PKLR: variants seen among roughly 807,000 people sequenced by gnomAD.
PKLR encodes the protein pyruvate kinase PKLR.
Under a neutral mutation model 53.6 loss-of-function variants are expected in PKLR, and 38 were observed. The ratio of observed to expected loss-of-function variants is 0.71; its 90% CI spans 0.55 to 0.93. The LOEUF (loss-of-function observed/expected upper bound fraction) is 0.93, where lower values mean the gene tolerates loss of function less well. Among genes scored for constraint, PKLR ranks in the 40% least tolerant of loss-of-function variants. PKLR has a pLI of 0.00. For synonymous variants in PKLR, 328 were observed against 316.2 expected, an observed-to-expected ratio of 1.04 and a Z score of -0.39; for missense variants, 702 against 787.3, an observed-to-expected ratio of 0.89 and a Z score of 1.30.
upstream of PKLR, among the ~76,000 whole-genome samples, chr1:155,303,986 C>A (rs1019000035): frequency 7.9e-5 from 12 of 152,040 alleles, no homozygotes; most frequent in African/African-American, 1.9e-4. Context: ...GCCAAGGAGA[C>A]AAAGAGCTGC....
Position 155,300,084 on chromosome 1 carries a change from A to C in PKLR, c.283+14T>G. On this transcript the variant is annotated intron_variant, in intron 2 of 10. Transcript: ENST00000342741. ...ATAGGCCCTGTGTGGCTGCAGGGGG[A>C]TGGGAGTGCTTACCGATGGTGGCAA... is the stretch of plus-strand genomic sequence containing the variant. 6.2e-7 allele frequency: 1 copy of C among 1,611,850 alleles called. No homozygotes were observed.
the PKLR span, among the ~76,000 whole-genome samples, chr1:155,306,972 C>T: frequency 1.3e-5 from 2 of 152,120 alleles, no homozygotes; most frequent in Non-Finnish European, 2.9e-5. This position sits in a 1 kb window ranked among gnomAD's most constrained non-coding sequence, Gnocchi z 4.2. Flanking sequence ...TCATTCCTCC[C>T]GGAGCGATCT....
rs772703658 is a variant in PKLR, at chr1:155,293,171, C to T, written c.1436+6G>A. ...TCCATCTGGACATTCCCAATATCCCCCTCACCGGCCAGTTGTGGTCAGCAC... is the reference window on the plus strand; with the variant it reads ...TCCATCTGGACATTCCCAATATCCCTCTCACCGGCCAGTTGTGGTCAGCAC... On this transcript the variant is annotated splice_donor_region_variant and intron_variant, in intron 9 of 10. Transcript: ENST00000342741. The surrounding 1 kb of genome is among the most constrained non-coding windows in gnomAD (Gnocchi z 4.2). 4 of 1,614,134 alleles carry T rather than the reference C, an allele frequency of 2.5e-6. No homozygotes were observed. In the East Asian group the frequency reaches 6.7e-5, roughly 27 times the overall value.
chr1:155,303,155 C>G (rs922210613), upstream of PKLR, among the ~76,000 whole-genome samples: 1 of 152,260 alleles, frequency 6.6e-6, no homozygotes, highest in East Asian at 1.9e-4. Flanking sequence ...GTAAGTTCCC[C>G]TAATGTATGC....
At position 155,295,485 on chromosome 1, in the gene PKLR, G is replaced by T; in HGVS notation, c.459C>A (p.Ile153=). 6.2e-7 allele frequency: 1 copy of T among 1,609,658 alleles called. No individual in the cohort carries two copies. The highest frequency in any genetic ancestry group is 8.5e-7 in the Non-Finnish European group (1 of 1,178,160). Residue 153 remains isoleucine (I), a synonymous_variant, in exon 4 of 11, where the codon ATC becomes ATA. Coordinates refer to ENST00000342741, the MANE Select transcript of PKLR (RefSeq NM_000298.6). The surrounding 1 kb of genome is among the most constrained non-coding windows in gnomAD (Gnocchi z 4.3). The stretch of plus-strand genomic sequence containing the variant: ...TCTCCGGTCCCTTGGTGTCCAGGGC[G>T]ATGGCCACGGGCCGGTAGCTGAGTG... ...GSPLSYRPVA[I]ALDTKGPEIR...
chr1:155,299,960 A>G (rs1444538031), intron 2 of PKLR, 138 bp downstream of exon 2: 6 of 863,626 alleles, frequency 6.9e-6, no homozygotes, highest in Non-Finnish European at 5.6e-6. Context: ...AATCTTGTCT[A>G]CTATATGCTC....
intron 2 of PKLR, among the ~76,000 whole-genome samples, chr1:155,296,169 C>A (rs1299525693): frequency 6.6e-6 from 1 of 152,106 alleles, no homozygotes; most frequent in African/African-American, 2.4e-5. Flanking sequence ...TGAGTTCTAT[C>A]CCATGCCTGC....
At chr1:155,306,973 G>A in the PKLR span, among the ~76,000 whole-genome samples, 84 of 152,234 alleles carry the variant, frequency 5.5e-4, no homozygotes, top group African/African-American at 1.8e-3. The surrounding 1 kb of genome is among the most constrained non-coding windows in gnomAD (Gnocchi z 4.2). Flanking sequence ...CATTCCTCCC[G>A]GAGCGATCTC....
Position 155,293,672 on chromosome 1 carries a change from C to T in PKLR, c.1117-82G>A, listed in dbSNP as rs1647365022. 2.1e-6 allele frequency: 3 copies of T among 1,423,974 alleles called. No individual in the cohort carries two copies. In the Admixed American group the frequency reaches 5.2e-5, roughly 25 times the overall value. The allele number at this position is 1,423,974 out of a possible 1,614,324, so 88.2% of individuals were successfully genotyped here. A position where few individuals can be genotyped will look rare whatever the true frequency, so the allele number is the denominator to read the frequency against. On this transcript the variant is annotated intron_variant, in intron 7 of 10. Transcript: ENST00000342741. This position sits in a 1 kb window ranked among gnomAD's most constrained non-coding sequence, Gnocchi z 4.2. The stretch of plus-strand genomic sequence containing the variant: ...GCCCAAGCTACTTCTCTGACACCCA[C>T]ACTCTCAGAGTGTCCCAAAATCCAG...
Position 155,290,509 on chromosome 1 carries a change from C to T in PKLR, c.*63G>A, listed in dbSNP as rs1010365755. 33 of 989,772 alleles carry T rather than the reference C, an allele frequency of 3.3e-5. 1 individual carries two copies. The highest frequency in any genetic ancestry group is 1.8e-4 in the Admixed American group (10 of 55,486). The allele number at this position is 989,772 out of a possible 1,614,324, so 61.3% of individuals were successfully genotyped here. On this transcript the variant is annotated 3_prime_UTR_variant, in exon 11 of 11. Coordinates refer to ENST00000342741, the MANE Select transcript of PKLR (RefSeq NM_000298.6). Reference sequence around the variant, plus strand: ...CTTTGGAGGGGTGTGGGCTGGAGAACGTAGACTGGGGAGGAAGGGATGGGG... The same window carrying T: ...CTTTGGAGGGGTGTGGGCTGGAGAATGTAGACTGGGGAGGAAGGGATGGGG...
the PKLR span, among the ~76,000 whole-genome samples, chr1:155,308,272 T>C: frequency 6.6e-6 from 1 of 151,632 alleles, no homozygotes; most frequent in African/African-American, 2.4e-5. Context: ...TTTCACCACA[T>C]TGGTCAGGCT....
chr1:155,303,240 G>A (rs145293396), upstream of PKLR, among the ~76,000 whole-genome samples: 39 of 152,338 alleles, frequency 2.6e-4, no homozygotes, highest in East Asian at 6.6e-3. Context: ...GATGGTTTGG[G>A]GCATCCTTTG....
rs200840994 is a variant in PKLR at position 155,294,538 on chromosome 1, C to G, written c.909G>C (p.Pro303=). The change falls in exon 6 of 11, where the codon CCG becomes CCC. Residue 303 remains proline, a synonymous_variant. Coordinates refer to ENST00000342741, the MANE Select transcript of PKLR (RefSeq NM_000298.6). ...DVAAVRAALG[P]EGHGIKIISK... ...TGATGATCTTGATGCCGTGTCCTTC[C>G]GGACCCAGAGCAGCCCTGACGGCAG... 2.6e-5 allele frequency: 42 copies of G among 1,614,108 alleles called. No individual in the cohort carries two copies. The highest frequency in any genetic ancestry group is 3.6e-5 in the Non-Finnish European group (42 of 1,180,046).
chr1:155,293,328 C>A lies in PKLR; in HGVS notation c.1285G>T (p.Glu429Ter). 1 of 1,614,258 alleles carries A rather than the reference C, an allele frequency of 6.2e-7. No individual in the cohort carries two copies. The highest frequency in any genetic ancestry group is 1.1e-5 in the South Asian group (1 of 91,084). Residue 429 changes from glutamate to a stop codon, truncating the protein, a stop_gained, in exon 9 of 11, where the codon GAG becomes TAG. Coordinates refer to ENST00000342741, the MANE Select transcript of PKLR (RefSeq NM_000298.6). LOFTEE classifies it high-confidence loss of function. The surrounding 1 kb of genome is among the most constrained non-coding windows in gnomAD (Gnocchi z 4.2). ...KMQHAIAREAEAAVYHRQLFE... is the reference protein window; with the variant it reads ...KMQHAIAREA ...AGCTGCCGGTGGTACACTGCGGCCT[C>A]TGCCTCCCGGGCAATCTGCAGGTGC...
rs1342419255 is a variant in PKLR, at chr1:155,301,324, T to C, written c.72A>G (p.Ala24=). The C allele has an allele frequency of 2.5e-6, 4 of 1,614,058 alleles. No homozygotes were observed. The highest frequency in any genetic ancestry group is 1.1e-5 in the South Asian group (1 of 91,078). The part of the protein sequence containing the change: ...SWVSKSQRDL[A]KSILIGAPGG... ...CTGGAGCCCCAATCAGGATGGACTTTGCTAAGTCTCTTTGGGACTTAGAGA... is the reference window on the plus strand; with the variant it reads ...CTGGAGCCCCAATCAGGATGGACTTCGCTAAGTCTCTTTGGGACTTAGAGA... The change falls in exon 1 of 11, where the codon GCA becomes GCG. Residue 24 remains alanine (A), a synonymous_variant. Transcript: ENST00000342741.
chr1:155,294,938 T>C lies in PKLR; in HGVS notation c.694+178A>G, dbSNP rs1246207116. On this transcript the variant is annotated intron_variant, in intron 5 of 10. Coordinates refer to ENST00000342741, the MANE Select transcript of PKLR (RefSeq NM_000298.6). ...GTCCGTGGAAGAAACGACCCACCCA[T>C]AGTCCAGCCCAAACCCAGGGTGAGC... Among the ~76,000 whole-genome samples, 6 of 152,120 alleles carry C rather than the reference T, an allele frequency of 3.9e-5. 1 individual carries two copies. Among genetic ancestry groups the C allele is most frequent in the South Asian group, 4.1e-4 (2 of 4,836 alleles).
At position 155,295,232 on chromosome 1, in the gene PKLR, G is replaced by A. The variant is rs1270838814; in HGVS notation, c.578C>T (p.Thr193Met). Residue 193 changes from threonine (T) to methionine (M), a missense_variant, in exon 5 of 11, where the codon ACG (threonine) becomes ATG (methionine). Thr to Met is a moderately conservative substitution (Grantham distance 81, BLOSUM62 -1). Coordinates refer to ENST00000342741, the MANE Select transcript of PKLR (RefSeq NM_000298.6). The surrounding 1 kb of genome is among the most constrained non-coding windows in gnomAD (Gnocchi z 4.3). ...VLVTVDPAFR[T>M]RGNANTVWVD... ...CCACACGGTGTTCGCGTTCCCCCGC[G>A]TCCGGAACGCGGGGTCCACAGTCAC... is the stretch of plus-strand genomic sequence containing the variant. 1 of 1,614,010 alleles carries A rather than the reference G, an allele frequency of 6.2e-7. No individual in the cohort carries two copies. Among genetic ancestry groups the A allele is most frequent in the Non-Finnish European group, 8.5e-7 (1 of 1,179,950 alleles).
At chr1:155,299,249 G>A (rs2148217001) in intron 2 of PKLR, among the ~76,000 whole-genome samples, 1 of 149,454 alleles carries the variant, frequency 6.7e-6, no homozygotes, top group East Asian at 2.0e-4. Context: ...GGAGTACAGT[G>A]GCTCGATCAT....
chr1:155,305,804 T>A (rs1648217871), upstream of PKLR, among the ~76,000 whole-genome samples: 1 of 151,418 alleles, frequency 6.6e-6, no homozygotes, highest in African/African-American at 2.4e-5. Flanking sequence ...TAATTTTTTT[T>A]TTTTTTTTTT....
Sources: gnomAD v4.1 joint callset for allele counts (sites outside exome capture counted in the v4.1 genomes callset) on GRCh38, gnomAD v4.1.1 for gene constraint, Gnocchi (gnomAD v3.1) non-coding constraint, MANE v1.5 for transcripts, NCBI Gene and HGNC (gene_info 2026-07-23, HGNC 2026-07-21) for gene names.